MAGI2: variants seen among roughly 807,000 people sequenced by gnomAD.
MAGI2 encodes the protein membrane associated guanylate kinase, WW and PDZ domain containing 2.
Under a neutral mutation model 133.3 loss-of-function variants are expected in MAGI2, and 35 were observed. The observed-to-expected ratio is 0.26, with a 90% CI of 0.20 to 0.35. The LOEUF is 0.35. Ranked by LOEUF, MAGI2 falls within the 10% of genes least tolerant of loss-of-function variation. MAGI2 has a pLI of 1.00. For missense variants in MAGI2, 1,636 were observed against 1,863.4 expected (o/e 0.88, Z 2.25); for synonymous variants, 729 against 710.6 (o/e 1.03, Z -0.41).
intron 9 of MAGI2, among the ~76,000 whole-genome samples, chr7:78,281,378 T>G (rs910012557): frequency 2.0e-5 from 3 of 152,082 alleles, no homozygotes; most frequent in African/African-American, 7.2e-5. Flanking sequence ...CCCCATCCTG[T>G]TCTCATGATA....
At position 78,680,648 on chromosome 7, in the gene MAGI2, A is replaced by G. The variant is rs771337368; in HGVS notation, c.419-53409T>C. Among the ~76,000 whole-genome samples, 62 of 152,304 alleles carry G rather than the reference A, an allele frequency of 4.1e-4. 1 individual carries two copies. Among genetic ancestry groups the G allele is most frequent in the Non-Finnish European group, 6.2e-4 (42 of 68,020 alleles). On this transcript the variant is annotated intron_variant, in intron 2 of 21. Coordinates refer to ENST00000354212, the MANE Select transcript of MAGI2 (RefSeq NM_012301.4). ...GTAATTCTGTTTTTAATAACCTCTG[A>G]AGGAGATTTAAACACTTTGATTTGT...
At chr7:79,151,305 T>A (rs1308943074) in intron 1 of MAGI2, among the ~76,000 whole-genome samples, 1 of 152,158 alleles carries the variant, frequency 6.6e-6, no homozygotes, top group African/African-American at 2.4e-5. Flanking sequence ...ACAAAAAAAT[T>A]AGTATTTAAT....
chr7:78,325,217 T>C (rs1276382572), intron 9 of MAGI2, among the ~76,000 whole-genome samples: 1 of 152,186 alleles, frequency 6.6e-6, no homozygotes, highest in Non-Finnish European at 1.5e-5. Flanking sequence ...ATGAATCCTA[T>C]TGCTATCATT....
intron 1 of MAGI2, among the ~76,000 whole-genome samples, chr7:79,143,461 A>C (rs969646157): frequency 1.3e-5 from 2 of 152,230 alleles, no homozygotes; most frequent in African/African-American, 4.8e-5. Flanking sequence ...ACATTTTCAC[A>C]GTTCTAAATG....
At chr7:79,384,708 C>A (rs1052142632) in intron 1 of MAGI2, among the ~76,000 whole-genome samples, 1 of 151,598 alleles carries the variant, frequency 6.6e-6, no homozygotes, top group Non-Finnish European at 1.5e-5. Context: ...TGACAATCAT[C>A]TCCATAAAGT....
chr7:78,319,191 G>A (rs541214801), intron 9 of MAGI2, among the ~76,000 whole-genome samples: 155 of 152,224 alleles, frequency 1.0e-3, no homozygotes, highest in Non-Finnish European at 1.2e-3. Context: ...AAAGAGTCAA[G>A]ACTCATCAGT....
chr7:79,154,257 C>T (rs984708788), intron 1 of MAGI2, among the ~76,000 whole-genome samples: 1 of 152,174 alleles, frequency 6.6e-6, no homozygotes, highest in African/African-American at 2.4e-5. Context: ...CATTGAATAT[C>T]AGTGATTCAA....
At chr7:79,140,754 T>C (rs1005297602) in intron 1 of MAGI2, among the ~76,000 whole-genome samples, 3 of 152,154 alleles carry the variant, frequency 2.0e-5, no homozygotes, top group Non-Finnish European at 4.4e-5. Flanking sequence ...TTGATCTATT[T>C]GGTATATCGT....
intron 2 of MAGI2, among the ~76,000 whole-genome samples, chr7:78,679,434 G>A (rs1366655489): frequency 6.6e-6 from 1 of 152,160 alleles, no homozygotes; most frequent in Admixed American, 6.6e-5. Context: ...TATTTGTTAG[G>A]TAAATGAATC....
chr7:78,108,018 G>A (rs901982506), intron 20 of MAGI2, among the ~76,000 whole-genome samples: 1 of 151,074 alleles, frequency 6.6e-6, no homozygotes, highest in African/African-American at 2.4e-5. Flanking sequence ...TACTAATTTT[G>A]GGTTTGATTT....
chr7:78,766,532 T>C (rs1457456140), intron 2 of MAGI2, among the ~76,000 whole-genome samples: 1 of 152,192 alleles, frequency 6.6e-6, no homozygotes, highest in African/African-American at 2.4e-5. Flanking sequence ...TTCTCCTCCA[T>C]TGGCTAACTG....
intron 10 of MAGI2, among the ~76,000 whole-genome samples, chr7:78,241,759 CCT>C (rs1791165480): frequency 6.6e-6 from 1 of 151,796 alleles, no homozygotes; most frequent in Non-Finnish European, 1.5e-5. Flanking sequence ...ATGGTGAAAC[CCT>C]GTCTCTACTA....
intron 3 of MAGI2, among the ~76,000 whole-genome samples, chr7:78,624,116 T>C (rs1808057014): frequency 6.6e-6 from 1 of 152,118 alleles, no homozygotes; most frequent in Non-Finnish European, 1.5e-5. Flanking sequence ...GTTGGCCACT[T>C]GTATGTCTTT....
chr7:79,262,147 C>T (rs1442807586), intron 1 of MAGI2, among the ~76,000 whole-genome samples: 2 of 152,268 alleles, frequency 1.3e-5, no homozygotes, highest in Non-Finnish European at 2.9e-5. Context: ...ATTCCCAAAC[C>T]TTTCTTTATC....
chr7:78,872,289 A>G (rs751849167), intron 2 of MAGI2, among the ~76,000 whole-genome samples: 20 of 152,030 alleles, frequency 1.3e-4, no homozygotes, highest in Non-Finnish European at 2.6e-4. Flanking sequence ...AATATTAGTA[A>G]ATAAAAATAC....
At chr7:78,880,409 G>A (rs983850121) in intron 2 of MAGI2, among the ~76,000 whole-genome samples, 5 of 152,106 alleles carry the variant, frequency 3.3e-5, no homozygotes, top group African/African-American at 1.2e-4. Flanking sequence ...AGAAGAGATT[G>A]GGGGCCTATT....
chr7:78,647,635 C>T (rs1243862480), intron 2 of MAGI2, among the ~76,000 whole-genome samples: 2 of 152,096 alleles, frequency 1.3e-5, no homozygotes, highest in Non-Finnish European at 2.9e-5. Flanking sequence ...CCCAGCAATC[C>T]CATTACTGGG....
chr7:78,038,239 T>C (rs185924869), intron 21 of MAGI2, among the ~76,000 whole-genome samples: 212 of 152,322 alleles, frequency 1.4e-3, no homozygotes, highest in African/African-American at 5.0e-3. Context: ...TAAATATTAA[T>C]TGAATGAAGA....
intron 2 of MAGI2, among the ~76,000 whole-genome samples, chr7:78,671,087 A>C (rs1282380284): frequency 6.6e-6 from 1 of 152,134 alleles, no homozygotes; most frequent in African/African-American, 2.4e-5. Flanking sequence ...TCATTTGTAG[A>C]GTAAGATTAT....
Sources: allele counts gnomAD v4.1 joint callset (sites outside exome capture counted in the v4.1 genomes callset), GRCh38; gene constraint gnomAD v4.1.1; transcripts MANE v1.5; gene names NCBI Gene and HGNC (gene_info 2026-07-23, HGNC 2026-07-21).